The following GMDS variants were observed in gnomAD, a reference collection of about 807,000 sequenced individuals.
GMDS encodes the protein GDP-mannose 4,6 dehydratase.
Under a neutral mutation model 49.9 loss-of-function variants are expected in GMDS, and 20 were observed. That is an observed-to-expected ratio of 0.40 (90% confidence interval 0.28 to 0.58). The LOEUF (loss-of-function observed/expected upper bound fraction) is 0.58. Ranked by LOEUF, GMDS falls within the 20% of genes least tolerant of loss-of-function variation. The probability of loss-of-function intolerance (pLI) is 0.42; values close to 1 mark genes in which losing one functional copy is unlikely to be tolerated. For synonymous variants in GMDS, 177 were observed against 178.6 expected, an observed-to-expected ratio of 0.99 and a Z score of 0.07; for missense variants, 362 against 481.4, an observed-to-expected ratio of 0.75 and a Z score of 2.32.
intron 4 of GMDS, among the ~76,000 whole-genome samples, chr6:2,040,586 A>G (rs543245457): frequency 6.3e-4 from 96 of 152,340 alleles, no homozygotes; most frequent in African/African-American, 2.0e-3. Context: ...AAAGTAAAAT[A>G]TATCAGCCTG....
intron 9 of GMDS, among the ~76,000 whole-genome samples, chr6:1,677,838 C>G (rs989643567): frequency 6.6e-6 from 1 of 151,252 alleles, no homozygotes; most frequent in Non-Finnish European, 1.5e-5. Flanking sequence ...GGAGATATAC[C>G]TAATGTAAAT....
chr6:1,648,798 C>T (rs2569842), intron 9 of GMDS, among the ~76,000 whole-genome samples: 43,673 of 152,066 alleles, frequency 0.29, 6,404 homozygotes, highest in East Asian at 0.55. Context: ...TAAACTATTA[C>T]GGCGATCACT....
At position 1,974,868 on chromosome 6, in the gene GMDS, T is replaced by TA. The variant is rs35807345; in HGVS notation, c.346-13903dup. ...CAACATGGTGAAATCCCGTCTCTAT[T>TA]AAAAAAAAAAGAAAAAAAAATTAGC... On this transcript the variant is annotated intron_variant, in intron 4 of 10. Transcript: ENST00000380815. Among the ~76,000 whole-genome samples, 937 of 128,262 alleles carry TA rather than the reference T, an allele frequency of 7.3e-3. 9 individuals are homozygous for TA. The highest frequency in any genetic ancestry group is 0.025 in the African/African-American group (778 of 31,386). The allele number at this position is 128,262 out of a possible 152,430, so 84.1% of individuals were successfully genotyped here. A position where few individuals can be genotyped will look rare whatever the true frequency, so the allele number is the denominator to read the frequency against.
chr6:2,166,810 C>T (rs1251425516), intron 1 of GMDS, among the ~76,000 whole-genome samples: 1 of 152,202 alleles, frequency 6.6e-6, no homozygotes, highest in Non-Finnish European at 1.5e-5. Context: ...CCCAGTTCCT[C>T]CAAGAGTCTG....
chr6:2,031,526 G>A (rs1399118784), intron 4 of GMDS, among the ~76,000 whole-genome samples: 5 of 152,098 alleles, frequency 3.3e-5, no homozygotes, highest in Non-Finnish European at 7.4e-5. Flanking sequence ...GGGTGTGTGT[G>A]TCAGGGTGGG....
At chr6:2,161,989 G>T (rs562340574) in intron 1 of GMDS, among the ~76,000 whole-genome samples, 2 of 152,150 alleles carry the variant, frequency 1.3e-5, no homozygotes, top group African/African-American at 4.8e-5. Context: ...AAACAGAGCT[G>T]GTTCTCTATG....
At chr6:2,208,010 G>A (rs564139001) in intron 1 of GMDS, among the ~76,000 whole-genome samples, 15 of 152,036 alleles carry the variant, frequency 9.9e-5, no homozygotes, top group Non-Finnish European at 1.5e-4. Context: ...AAGGCAGACA[G>A]GTATTCCCTT....
At chr6:1,913,372 C>A in intron 7 of GMDS, among the ~76,000 whole-genome samples, 1 of 121,742 alleles carries the variant, frequency 8.2e-6, no homozygotes, top group Non-Finnish European at 1.6e-5. Context: ...CAGAGCGAGA[C>A]TCCGTCTCAA....
intron 6 of GMDS, among the ~76,000 whole-genome samples, chr6:1,936,321 T>C (rs1250325555): frequency 1.3e-5 from 2 of 152,096 alleles, no homozygotes; most frequent in African/African-American, 2.4e-5. Context: ...GCTGAAATGG[T>C]GCATTGAGAC....
chr6:1,864,984 G>C (rs1758375859), intron 7 of GMDS, among the ~76,000 whole-genome samples: 1 of 152,152 alleles, frequency 6.6e-6, no homozygotes. Flanking sequence ...ACAGAAGATA[G>C]AGTTTTTGAC....
chr6:1,939,990 T>C (rs1391956992), intron 6 of GMDS, among the ~76,000 whole-genome samples: 1 of 151,212 alleles, frequency 6.6e-6, no homozygotes, highest in Non-Finnish European at 1.5e-5. Context: ...AAATTACTTC[T>C]TTTTGACACC....
intron 9 of GMDS, among the ~76,000 whole-genome samples, chr6:1,674,761 G>T (rs374652453): frequency 6.7e-6 from 1 of 149,796 alleles, no homozygotes; most frequent in East Asian, 2.0e-4. Flanking sequence ...TGTTGCCCAG[G>T]CTGGTCTTGA....
intron 4 of GMDS, among the ~76,000 whole-genome samples, chr6:2,010,313 C>A (rs1406628465): frequency 6.5e-5 from 8 of 123,894 alleles, no homozygotes; most frequent in African/African-American, 1.3e-4. Context: ...GGTGACATAG[C>A]AAGACTCCAT....
intron 1 of GMDS, among the ~76,000 whole-genome samples, chr6:2,238,486 T>A (rs745488391): frequency 5.3e-5 from 8 of 152,188 alleles, no homozygotes; most frequent in Non-Finnish European, 1.0e-4. Flanking sequence ...GATCTCATTA[T>A]CCTCATACTT....
At chr6:2,189,263 G>C (rs1273380421) in intron 1 of GMDS, among the ~76,000 whole-genome samples, 2 of 152,174 alleles carry the variant, frequency 1.3e-5, no homozygotes, top group Non-Finnish European at 2.9e-5. Flanking sequence ...AGGGAGGTTA[G>C]CCAAGCAAAC....
chr6:2,044,681 A>G (rs558014574), intron 4 of GMDS, among the ~76,000 whole-genome samples: 1 of 152,334 alleles, frequency 6.6e-6, no homozygotes, highest in Admixed American at 6.5e-5. Flanking sequence ...TCACCCATAT[A>G]ACAAACCTGC....
chr6:2,015,407 T>TA (rs1328327770), intron 4 of GMDS, among the ~76,000 whole-genome samples: 1 of 152,058 alleles, frequency 6.6e-6, no homozygotes, highest in Admixed American at 6.6e-5. Flanking sequence ...TACTTTCAAA[T>TA]AAAAAATAGA....
In GMDS at chr6:1,959,874, G is replaced by A. The variant is rs1390950454; in HGVS notation, c.636C>T (p.Pro212=). The A allele has an allele frequency of 1.1e-5, 17 of 1,571,342 alleles. No homozygotes were observed. Among genetic ancestry groups the A allele is most frequent in the Non-Finnish European group, 1.5e-5 (17 of 1,147,142 alleles). The change falls in exon 6 of 11, where the codon CCC becomes CCT. Residue 212 remains proline (P), a synonymous_variant. Transcript: ENST00000380815. ...VNGILFNHES[P]RRGANFVTRK... ...GTTAATATATTTACTGACCTCTTCT[G>A]GGACTCTCATGATTGAAGAGAATGC...
In GMDS at chr6:1,835,638, C is replaced by A. The variant is rs556409823; in HGVS notation, c.772-93052G>T. On this transcript the variant is annotated intron_variant, in intron 7 of 10. Transcript: ENST00000380815. ...TTAGATCTCTTTTGTATTTCTAATT[C>A]AAAAAACAAGTGCAGGCAGATGGGC... Among the ~76,000 whole-genome samples, 4 of 152,002 alleles carry A rather than the reference C, an allele frequency of 2.6e-5. No homozygotes were observed. The East Asian group carries it at 7.7e-4, about 29-fold the overall frequency.
Sources: gnomAD v4.1 joint callset for allele counts (sites outside exome capture counted in the v4.1 genomes callset) on GRCh38, gnomAD v4.1.1 for gene constraint, MANE v1.5 for transcripts, NCBI Gene and HGNC (gene_info 2026-07-23, HGNC 2026-07-21) for gene names.